PLCZ1: variants seen among roughly 807,000 people sequenced by gnomAD.
The protein encoded by PLCZ1 is phospholipase C zeta 1.
PLCZ1 carries 64 observed loss-of-function variants against 76.8 expected under a neutral mutation model. The observed-to-expected ratio is 0.83, with a 90% CI of 0.68 to 1.03. The LOEUF is 1.03. PLCZ1 is among the 50% of genes least tolerant of loss of function. The pLI is 0.00. For synonymous variants in PLCZ1, 248 were observed against 230.8 expected (o/e 1.07, Z -0.68); for missense variants, 751 against 713.7 (o/e 1.05, Z -0.60).
chr12:18,696,632 G>C (rs1955086746), intron 10 of PLCZ1, among the ~76,000 whole-genome samples: 2 of 151,738 alleles, frequency 1.3e-5, no homozygotes, highest in African/African-American at 4.8e-5. Flanking sequence ...CAAAACAAAA[G>C]CAGCATTTTC....
At chr12:18,700,538 A>AAAAAAAAAGG (rs1370935394) in intron 9 of PLCZ1, among the ~76,000 whole-genome samples, 2 of 135,918 alleles carry the variant, frequency 1.5e-5, no homozygotes, top group East Asian at 2.2e-4. Context: ...AAAAAAAAAT[A>AAAAAAAAAGG]GTTGCTCTGC....
intron 13 of PLCZ1, among the ~76,000 whole-genome samples, chr12:18,684,716 AAATT>A (rs1370430359): frequency 1.3e-5 from 2 of 152,076 alleles, no homozygotes; most frequent in Non-Finnish European, 2.9e-5. Flanking sequence ...GAAATGAAGA[AAATT>A]AAGTAACATC....
chr12:18,731,533 CTTTTTTTTTT>C (rs34568267), intron 3 of PLCZ1, among the ~76,000 whole-genome samples: 6 of 94,352 alleles, frequency 6.4e-5, no homozygotes, highest in African/African-American at 1.2e-4. Context: ...AATAAGCTGT[CTTTTTTTTTT>C]TTTTTTTTTT....
Position 18,737,393 on chromosome 12 carries a change from G to A in PLCZ1, c.-22C>T, listed in dbSNP as rs528459451. ...CCATAGTTTCATGACCTGTAGAGCC[G>A]TTTCTCCTCACTTAGAAGTCTTTCC... On this transcript the variant is annotated 5_prime_UTR_variant, in exon 2 of 15. It adds an upstream start codon to the 5' untranslated region. Transcript: ENST00000266505. The A allele has an allele frequency of 1.0e-4, 161 of 1,613,736 alleles. No homozygotes were observed. Among genetic ancestry groups the A allele is most frequent in the African/African-American group, 1.7e-4 (13 of 75,024 alleles).
At position 18,737,237 on chromosome 12, in the gene PLCZ1, A is replaced by G. The variant is rs1268541745; in HGVS notation, c.11+124T>C. ...AGAAAAGCTCAGAACAAACAGGGAA[A>G]AGCAGTTCAACTTAAATGAAGAGGA... On this transcript the variant is annotated intron_variant, in intron 2 of 14. Transcript: ENST00000266505. The G allele has an allele frequency of 5.8e-6, 6 of 1,031,792 alleles. No individual in the cohort carries two copies. The Admixed American group carries it at 1.1e-4, about 18-fold the overall frequency. 63.9% of individuals were successfully genotyped at this position (1,031,792 alleles called of 1,614,324 possible). A position where few individuals can be genotyped will look rare whatever the true frequency, so the allele number is the denominator to read the frequency against.
intron 7 of PLCZ1, among the ~76,000 whole-genome samples, chr12:18,702,024 T>A (rs1189780717): frequency 2.0e-5 from 3 of 152,172 alleles, no homozygotes; most frequent in East Asian, 1.9e-4. Context: ...CCATTTTTTT[T>A]ATATTTCCCA....
At chr12:18,722,227 T>C (rs1470413193) in intron 4 of PLCZ1, among the ~76,000 whole-genome samples, 4 of 151,740 alleles carry the variant, frequency 2.6e-5, no homozygotes, top group Non-Finnish European at 5.9e-5. Context: ...TCTTGCTCTA[T>C]GTTTCCGTAT....
downstream of PLCZ1, among the ~76,000 whole-genome samples, chr12:18,678,486 G>A (rs528390889): frequency 6.6e-6 from 1 of 152,036 alleles, no homozygotes; most frequent in South Asian, 2.1e-4. Flanking sequence ...AAAATTTCTT[G>A]TGGCTCCTTT....
chr12:18,683,694 A>T (rs1224821717), intron 14 of PLCZ1: 1 of 1,160,970 alleles, frequency 8.6e-7, no homozygotes, highest in African/African-American at 1.6e-5. Context: ...TCACCCTGGA[A>T]AGGTGACTCT....
chr12:18,681,600 T>C (rs559080451), downstream of PLCZ1, among the ~76,000 whole-genome samples: 6 of 151,966 alleles, frequency 3.9e-5, no homozygotes, highest in Non-Finnish European at 8.8e-5. Flanking sequence ...TGATAAATAA[T>C]GCAAATTTTA....
At chr12:18,731,991 G>GAT (rs754591661) in intron 3 of PLCZ1, among the ~76,000 whole-genome samples, 1 of 152,020 alleles carries the variant, frequency 6.6e-6, no homozygotes, top group Non-Finnish European at 1.5e-5. Context: ...ATTCCTTCTT[G>GAT]ATTTTTTAAA....
At chr12:18,647,541 G>T in the PLCZ1 span, among the ~76,000 whole-genome samples, 2 of 151,542 alleles carry the variant, frequency 1.3e-5, no homozygotes, top group African/African-American at 4.9e-5. Flanking sequence ...ATACATAATA[G>T]CTGTACATAT....
chr12:18,730,944 T>A (rs1273677413), intron 3 of PLCZ1: 1 of 152,182 alleles, frequency 6.6e-6, no homozygotes, highest in East Asian at 1.9e-4. Flanking sequence ...CATAAAAACT[T>A]GTGTTCTTTG....
At position 18,699,891 on chromosome 12, in the gene PLCZ1, C is replaced by T; in HGVS notation, c.1077G>A (p.Glu359=). 6.2e-7 allele frequency: 1 copy of T among 1,612,540 alleles called. No homozygotes were observed. Among genetic ancestry groups the T allele is most frequent in the Non-Finnish European group, 8.5e-7 (1 of 1,179,380 alleles). Residue 359 remains glutamate, a synonymous_variant, in exon 10 of 15, where the codon GAG becomes GAA. Transcript: ENST00000266505. ...LSDLVIYTKA[E]KFKSFQHSRL... ...TTGAATGTTGAAAGCTTTTGAATTT[C>T]TCAGCTTTCGTATAAATGACAAGAT...
chr12:18,700,786 G>C (rs1955787846), intron 9 of PLCZ1, among the ~76,000 whole-genome samples: 2 of 152,000 alleles, frequency 1.3e-5, no homozygotes, highest in African/African-American at 2.4e-5. Flanking sequence ...AGCTGGATTG[G>C]TTTTGTGTCA....
At position 18,707,716 on chromosome 12, in the gene PLCZ1, T is replaced by C. The variant is rs76030840; in HGVS notation, c.715-2401A>G. On this transcript the variant is annotated intron_variant, in intron 6 of 14. Transcript: ENST00000266505. Reference sequence around the variant, plus strand: ...ATTGTCTATGTAATTTCATGTCCTCTTTTTCCAAATAGTGACTACCTTGAG... The same window carrying C: ...ATTGTCTATGTAATTTCATGTCCTCCTTTTCCAAATAGTGACTACCTTGAG... Among the ~76,000 whole-genome samples the C allele has an allele frequency of 2.0e-5, 3 of 152,170 alleles. No individual in the cohort carries two copies. The East Asian group carries it at 5.8e-4, about 29-fold the overall frequency.
intron 5 of PLCZ1, among the ~76,000 whole-genome samples, chr12:18,717,544 C>T (rs963904055): frequency 2.0e-5 from 3 of 152,086 alleles, no homozygotes; most frequent in Non-Finnish European, 2.9e-5. Context: ...CTTCTGAATT[C>T]CACACACACA....
At chr12:18,696,120 G>T in intron 11 of PLCZ1, 30 bp downstream of exon 11, 1 of 1,144,138 alleles carries the variant, frequency 8.7e-7, no homozygotes, top group Non-Finnish European at 1.3e-6. Flanking sequence ...TGTTACTTCT[G>T]CAAACAACTC....
the PLCZ1 span, among the ~76,000 whole-genome samples, chr12:18,664,902 C>T: frequency 6.7e-6 from 1 of 149,438 alleles, no homozygotes; most frequent in Non-Finnish European, 1.5e-5. Context: ...TAAACTATCA[C>T]AAGGACAAAA....
Sources: allele counts gnomAD v4.1 joint callset (sites outside exome capture counted in the v4.1 genomes callset), GRCh38; gene constraint gnomAD v4.1.1; transcripts MANE v1.5; gene names NCBI Gene and HGNC (gene_info 2026-07-23, HGNC 2026-07-21).